MARCHF6: variants seen among roughly 807,000 people sequenced by gnomAD.
The protein encoded by MARCHF6 is membrane associated ring-CH-type finger 6.
Under a neutral mutation model 133.7 loss-of-function variants are expected in MARCHF6, and 31 were observed. The ratio of observed to expected loss-of-function variants is 0.23; its 90% CI spans 0.17 to 0.31. MARCHF6 has a LOEUF of 0.31. Among genes scored for constraint, MARCHF6 ranks in the 10% least tolerant of loss-of-function variants. MARCHF6 has a pLI of 1.00. For synonymous variants in MARCHF6, 395 were observed against 402.5 expected, an observed-to-expected ratio of 0.98 and a Z score of 0.22; for missense variants, 723 against 1,121.6, an observed-to-expected ratio of 0.64 and a Z score of 5.08.
At chr5:10,397,918 G>C (rs930284496) in intron 10 of MARCHF6, among the ~76,000 whole-genome samples, 1 of 152,238 alleles carries the variant, frequency 6.6e-6, no homozygotes, top group Non-Finnish European at 1.5e-5. Flanking sequence ...GGACTAATTA[G>C]AGAAAGAAAG....
chr5:10,404,685 C>T (rs1738774479), intron 15 of MARCHF6, among the ~76,000 whole-genome samples: 2 of 152,134 alleles, frequency 1.3e-5, no homozygotes, highest in African/African-American at 4.8e-5. Flanking sequence ...CACAAAAGCA[C>T]AAAGGCTGAA....
rs1028493361 is a variant in MARCHF6 at position 10,353,764 on chromosome 5, C to T, written c.-135C>T. 7.0e-6 allele frequency: 5 copies of T among 717,566 alleles called. No individual in the cohort carries two copies. Among genetic ancestry groups the T allele is most frequent in the African/African-American group, 5.5e-5 (3 of 54,080 alleles). The allele number at this position is 717,566 out of a possible 1,614,324, so 44.4% of individuals were successfully genotyped here. A position where few individuals can be genotyped will look rare whatever the true frequency, so the allele number is the denominator to read the frequency against. ...TCTCTCCCTCTCCCTCTCCCCTCTC[C>T]TTCCTCTCGCTTCCTCTCTCGCACC... On this transcript the variant is annotated 5_prime_UTR_variant, in exon 1 of 26. Transcript: ENST00000274140.
chr5:10,382,193 C>T (rs1370007178), intron 4 of MARCHF6, among the ~76,000 whole-genome samples: 2 of 152,058 alleles, frequency 1.3e-5, no homozygotes, highest in Non-Finnish European at 2.9e-5. Flanking sequence ...TTCATGAAAG[C>T]GTTGAAAAAA....
rs1190701467 is a variant in MARCHF6, at chr5:10,435,076, T to C, written c.*1392T>C. 6.6e-6 allele frequency: 1 copy of C among 152,624 alleles called. No individual in the cohort carries two copies. Among genetic ancestry groups the C allele is most frequent in the Non-Finnish European group, 1.5e-5 (1 of 68,036 alleles). 9.5% of individuals were successfully genotyped at this position (152,624 alleles called of 1,614,324 possible). On this transcript the variant is annotated 3_prime_UTR_variant, in exon 26 of 26. Coordinates refer to ENST00000274140, the MANE Select transcript of MARCHF6 (RefSeq NM_005885.4). The stretch of plus-strand genomic sequence containing the variant: ...TTGAACGATAATTTAGAAGTTCTCA[T>C]AGAAAGCGTATAACATAGGTCTTCA...
At chr5:10,429,293 T>C (rs1387287484) in intron 24 of MARCHF6, among the ~76,000 whole-genome samples, 3 of 152,198 alleles carry the variant, frequency 2.0e-5, no homozygotes, top group Non-Finnish European at 4.4e-5. Context: ...TTTTTTATTA[T>C]ATAAGCACAG....
intron 1 of MARCHF6, among the ~76,000 whole-genome samples, chr5:10,359,681 A>G (rs1422289469): frequency 3.3e-5 from 5 of 152,114 alleles, no homozygotes; most frequent in Non-Finnish European, 7.3e-5. Flanking sequence ...ACTTTAAATA[A>G]TCTCCTGAGT....
intron 23 of MARCHF6, 61 bp downstream of exon 23, chr5:10,423,885 G>C: frequency 8.1e-7 from 1 of 1,239,564 alleles, no homozygotes; most frequent in South Asian, 1.3e-5. Context: ...ATGTTTGGCA[G>C]CTATAACTCT....
Position 10,414,169 on chromosome 5 carries a change from GTT to G in MARCHF6, c.1897-255_1897-254del, listed in dbSNP as rs902853279. ...TAACAAGGGAAAATTTAAGGTGAATGTTTTTTTTTTATGCTCTCTGATTAAAA... is the reference window on the plus strand; with the variant it reads ...TAACAAGGGAAAATTTAAGGTGAATGTTTTTTTTATGCTCTCTGATTAAAA... On this transcript the variant is annotated intron_variant, in intron 19 of 25. Transcript: ENST00000274140. Among the ~76,000 whole-genome samples, 159 of 147,878 alleles carry G rather than the reference GTT, an allele frequency of 1.1e-3. 1 individual carries two copies. Among genetic ancestry groups the G allele is most frequent in the African/African-American group, 3.9e-3 (156 of 40,390 alleles).
intron 24 of MARCHF6, among the ~76,000 whole-genome samples, chr5:10,428,591 C>T (rs571214382): frequency 6.6e-6 from 1 of 152,130 alleles, no homozygotes; most frequent in Non-Finnish European, 1.5e-5. Context: ...ATCCACCCCC[C>T]TCGGCCGCCC....
chr5:10,430,862 G>C (rs1468493561), intron 25 of MARCHF6, among the ~76,000 whole-genome samples: 1 of 152,170 alleles, frequency 6.6e-6, no homozygotes, highest in Admixed American at 6.5e-5. Flanking sequence ...CTTGATCTCA[G>C]TGAGAGATTG....
intron 1 of MARCHF6, among the ~76,000 whole-genome samples, chr5:10,362,616 A>G (rs538083311): frequency 1.6e-4 from 25 of 152,394 alleles, no homozygotes; most frequent in African/African-American, 6.0e-4. Context: ...TTATAAGACA[A>G]TTGGATTCTC....
At chr5:10,360,562 A>G (rs1368399961) in intron 1 of MARCHF6, among the ~76,000 whole-genome samples, 3 of 152,200 alleles carry the variant, frequency 2.0e-5, no homozygotes, top group Non-Finnish European at 2.9e-5. Flanking sequence ...AAGGGACTTG[A>G]GCATCTGTGG....
chr5:10,392,382 G>T (rs1001214889), intron 7 of MARCHF6, among the ~76,000 whole-genome samples: 8 of 152,162 alleles, frequency 5.3e-5, no homozygotes, highest in African/African-American at 1.7e-4. Context: ...CTCTTTCCAT[G>T]TCCCTTGAGT....
chr5:10,381,395 G>A (rs1435484273), intron 3 of MARCHF6, among the ~76,000 whole-genome samples: 1 of 152,156 alleles, frequency 6.6e-6, no homozygotes, highest in African/African-American at 2.4e-5. Context: ...TATATTTGGG[G>A]GAGTGTTGAT....
intron 1 of MARCHF6, among the ~76,000 whole-genome samples, chr5:10,375,188 G>C (rs1736698041): frequency 6.6e-6 from 1 of 152,222 alleles, no homozygotes; most frequent in Non-Finnish European, 1.5e-5. Context: ...CTGGGGCTGC[G>C]TGCAGCGCTT....
At chr5:10,401,002 G>C (rs1443560203) in intron 11 of MARCHF6, 160 bp downstream of exon 11, 5 of 587,504 alleles carry the variant, frequency 8.5e-6, no homozygotes, top group Non-Finnish European at 1.5e-5. Context: ...AAATAACAGT[G>C]GCTCAAGAGA....
chr5:10,391,789 A>G (rs1056653958), intron 7 of MARCHF6, 58 bp downstream of exon 7: 11 of 1,389,752 alleles, frequency 7.9e-6, no homozygotes, highest in Non-Finnish European at 1.0e-5. Flanking sequence ...CTCAACTTGC[A>G]TTGAGGAAAA....
chr5:10,417,314 C>T lies in MARCHF6; in HGVS notation c.2193C>T (p.Val731=). ...LIVAVLLAGV[V]PLLLGLLFEL... ...TTGCGGTGCTGTTGGCTGGAGTTGT[C>T]CCTCTCCTTCTGGGGCTCCTGTTTG... Residue 731 remains valine, a synonymous_variant, in exon 22 of 26, where the codon GTC becomes GTT. Coordinates refer to ENST00000274140, the MANE Select transcript of MARCHF6 (RefSeq NM_005885.4). 1 of 1,614,078 alleles carries T rather than the reference C, an allele frequency of 6.2e-7. No individual in the cohort carries two copies.
rs769597188 is a variant in MARCHF6 at position 10,390,347 on chromosome 5, A to G, written c.423A>G (p.Ala141=). Reference sequence around the variant, plus strand: ...TTTTTAATAGGGAAAATTTGTTGGCAGATTGTTTGCAGGGTTGTTTTGTGG... The same window carrying G: ...TTTTTAATAGGGAAAATTTGTTGGCGGATTGTTTGCAGGGTTGTTTTGTGG... ...LDMLSTENLL[A]DCLQGCFVVT... Residue 141 remains alanine, a synonymous_variant, in exon 6 of 26, where the codon GCA becomes GCG. Transcript: ENST00000274140. 4 of 1,611,360 alleles carry G rather than the reference A, an allele frequency of 2.5e-6. 1 individual carries two copies. Among genetic ancestry groups the G allele is most frequent in the Non-Finnish European group, 3.4e-6 (4 of 1,179,246 alleles).
Sources: gnomAD v4.1 joint callset for allele counts (sites outside exome capture counted in the v4.1 genomes callset) on GRCh38, gnomAD v4.1.1 for gene constraint, MANE v1.5 for transcripts, NCBI Gene and HGNC (gene_info 2026-07-23, HGNC 2026-07-21) for gene names.